CSMD3: variants seen among roughly 807,000 people sequenced by gnomAD.
The protein encoded by CSMD3 is CUB and sushi domain-containing protein 3.
Under a neutral mutation model 435.2 loss-of-function variants are expected in CSMD3, and 177 were observed. The observed-to-expected ratio is 0.41, with a 90% CI of 0.36 to 0.46. The LOEUF (loss-of-function observed/expected upper bound fraction) is 0.46. Ranked by LOEUF, CSMD3 falls within the 20% of genes least tolerant of loss-of-function variation. The probability of loss-of-function intolerance (pLI) is 0.34; values close to 1 mark genes in which losing one functional copy is unlikely to be tolerated. For missense variants in CSMD3, 4,265 were observed against 4,504.6 expected, an observed-to-expected ratio of 0.95 and a Z score of 1.52; for synonymous variants, 1,656 against 1,520.5, an observed-to-expected ratio of 1.09 and a Z score of -2.07.
rs768638588 is a variant in CSMD3 at position 112,314,033 on chromosome 8, T to C, written c.7569A>G (p.Pro2523=). The C allele has an allele frequency of 1.2e-5, 20 of 1,609,476 alleles. No homozygotes were observed. The East Asian group carries it at 1.6e-4, about 13-fold the overall frequency. The change falls in exon 49 of 71, where the codon CCA becomes CCG. Residue 2523 remains proline, a synonymous_variant. Transcript: ENST00000297405. ...QVYDGPNIQS[P]VLISLSGDYS... ...AATCCCCACTGAGGGAAATAAGCACTGGACTTTGAATATTTGGTCCTTTGG... is the reference window on the plus strand; with the variant it reads ...AATCCCCACTGAGGGAAATAAGCACCGGACTTTGAATATTTGGTCCTTTGG...
chr8:112,254,160 A>G lies in CSMD3; in HGVS notation c.10110+93T>C, dbSNP rs190403563. 7.7e-4 allele frequency: 677 copies of G among 884,134 alleles called. 5 individuals are homozygous for G. The African/African-American group carries it at 9.6e-3, about 13-fold the overall frequency. 54.8% of individuals were successfully genotyped at this position (884,134 alleles called of 1,614,324 possible). A position where few individuals can be genotyped will look rare whatever the true frequency, so the allele number is the denominator to read the frequency against. ...TGTTTATAAATGCAGATAGAACATG[A>G]CTTTTTGTTATGTCAACAAGATTAT... is the stretch of plus-strand genomic sequence containing the variant. On this transcript the variant is annotated intron_variant, in intron 63 of 70. Coordinates refer to ENST00000297405, the MANE Select transcript of CSMD3 (RefSeq NM_198123.2).
intron 28 of CSMD3, among the ~76,000 whole-genome samples, chr8:112,511,926 T>C (rs1005619254): frequency 6.6e-6 from 1 of 152,266 alleles, no homozygotes; most frequent in East Asian, 1.9e-4. Context: ...CAAATCACTT[T>C]CTTTTCCCAT....
At chr8:113,235,950 C>A (rs1180123348) in intron 3 of CSMD3, among the ~76,000 whole-genome samples, 3 of 152,120 alleles carry the variant, frequency 2.0e-5, no homozygotes, top group Non-Finnish European at 4.4e-5. Context: ...GCCCCTTATT[C>A]CTGATGTAAC....
chr8:112,515,357 A>G (rs1481663380), intron 28 of CSMD3, among the ~76,000 whole-genome samples: 3 of 152,098 alleles, frequency 2.0e-5, no homozygotes, highest in African/African-American at 7.2e-5. Context: ...GCTCTTCATG[A>G]GATATGTGGT....
At chr8:112,231,821 T>C (rs1813112188) in intron 68 of CSMD3, among the ~76,000 whole-genome samples, 189 bp from the exon 69 acceptor site, 1 of 152,348 alleles carries the variant, frequency 6.6e-6, no homozygotes, top group Admixed American at 6.5e-5. Flanking sequence ...GTAAATTTTC[T>C]AATTTGAAAT....
intron 1 of CSMD3, among the ~76,000 whole-genome samples, chr8:113,370,697 A>T (rs190272468): frequency 2.6e-5 from 4 of 152,026 alleles, no homozygotes; most frequent in Admixed American, 2.6e-4. Context: ...TTCATTTCTC[A>T]GTTATTTTAC....
chr8:112,707,061 T>A (rs1037061789), intron 13 of CSMD3, among the ~76,000 whole-genome samples: 2 of 152,072 alleles, frequency 1.3e-5, no homozygotes, highest in African/African-American at 4.8e-5. Flanking sequence ...CAAGCAAGGA[T>A]AGATCAATAT....
At chr8:113,208,509 C>A (rs1396070030) in intron 3 of CSMD3, among the ~76,000 whole-genome samples, 1 of 152,054 alleles carries the variant, frequency 6.6e-6, no homozygotes, top group Non-Finnish European at 1.5e-5. Context: ...AGAATTATCT[C>A]CATAATAATA....
intron 23 of CSMD3, among the ~76,000 whole-genome samples, chr8:112,585,338 T>C (rs979540956): frequency 1.3e-5 from 2 of 151,530 alleles, no homozygotes; most frequent in African/African-American, 2.4e-5. Flanking sequence ...AGGACATAAA[T>C]TTTTTAACTT....
At chr8:112,890,200 A>T (rs1209041104) in intron 10 of CSMD3, among the ~76,000 whole-genome samples, 1 of 151,658 alleles carries the variant, frequency 6.6e-6, no homozygotes, top group Non-Finnish European at 1.5e-5. Context: ...ATCAAAATGC[A>T]TCAAGTGACA....
chr8:112,852,560 G>T (rs2080521669), intron 11 of CSMD3, among the ~76,000 whole-genome samples: 1 of 152,028 alleles, frequency 6.6e-6, no homozygotes, highest in Non-Finnish European at 1.5e-5. Context: ...TAAGTAATAT[G>T]AAGGAAATTT....
chr8:113,063,748 T>C (rs1161869217), intron 5 of CSMD3, among the ~76,000 whole-genome samples: 1 of 151,960 alleles, frequency 6.6e-6, no homozygotes, highest in African/African-American at 2.4e-5. Flanking sequence ...GAAGATATCC[T>C]ATCTACTTCA....
At chr8:113,398,248 A>G (rs2094493332) in intron 1 of CSMD3, among the ~76,000 whole-genome samples, 1 of 152,150 alleles carries the variant, frequency 6.6e-6, no homozygotes, top group Non-Finnish European at 1.5e-5. Context: ...AATTATATTA[A>G]TTTTCTTTTC....
intron 3 of CSMD3, among the ~76,000 whole-genome samples, chr8:113,277,777 T>C (rs1004996494): frequency 2.0e-5 from 3 of 151,994 alleles, no homozygotes; most frequent in East Asian, 1.9e-4. Flanking sequence ...GGAAATTTTA[T>C]TGTCAAATCA....
At chr8:112,524,700 T>C (rs1824673428) in intron 27 of CSMD3, among the ~76,000 whole-genome samples, 2 of 152,002 alleles carry the variant, frequency 1.3e-5, no homozygotes, top group South Asian at 2.1e-4. Context: ...AATTAAAATA[T>C]GTATTGAGTA....
intron 65 of CSMD3, 38 bp from the exon 66 acceptor site, chr8:112,241,823 C>T (rs2130067321): frequency 8.4e-7 from 1 of 1,191,596 alleles, no homozygotes; most frequent in Non-Finnish European, 1.2e-6. Flanking sequence ...AAAGTTGATG[C>T]AATTAATTAC....
intron 5 of CSMD3, among the ~76,000 whole-genome samples, chr8:113,039,503 T>C (rs2087509328): frequency 6.6e-6 from 1 of 152,138 alleles, no homozygotes; most frequent in Admixed American, 6.5e-5. Context: ...AATCAGGCAT[T>C]TATTTATATA....
At chr8:113,375,536 C>CACACATACACACACACACAT (rs11268984) in intron 1 of CSMD3, among the ~76,000 whole-genome samples, 1 of 150,426 alleles carries the variant, frequency 6.6e-6, no homozygotes, top group African/African-American at 2.4e-5. Context: ...CACACACACA[C>CACACATACACACACACACAT]ACACACACAC....
chr8:112,275,369 G>A (rs571822443), intron 59 of CSMD3, among the ~76,000 whole-genome samples: 5 of 152,080 alleles, frequency 3.3e-5, no homozygotes, highest in African/African-American at 7.2e-5. Flanking sequence ...TCAACATGGC[G>A]AAACCCTGTC....
Sources: gnomAD v4.1 joint callset for allele counts (sites outside exome capture counted in the v4.1 genomes callset) on GRCh38, gnomAD v4.1.1 for gene constraint, MANE v1.5 for transcripts, NCBI Gene and HGNC (gene_info 2026-07-23, HGNC 2026-07-21) for gene names.